C10orf67: variants seen among roughly 807,000 people sequenced by gnomAD.
C10orf67 encodes the protein uncharacterized protein C10orf67, mitochondrial.
In C10orf67, 60 loss-of-function variants were observed where a neutral mutation model predicts 35.6. The observed-to-expected ratio is 1.68, with a 90% CI of 1.37 to 2.09. The LOEUF is 2.09. Among genes scored for constraint, C10orf67 ranks in the 30% most tolerant of loss-of-function variants. The pLI is 0.00. For synonymous variants in C10orf67, 167 were observed against 115.8 expected (o/e 1.44, Z -2.84); for missense variants, 474 against 330.2 (o/e 1.44, Z -3.38).
In C10orf67 at chr10:23,266,435, C is replaced by A. The variant is rs569758785; in HGVS notation, c.1036-9G>T. On this transcript the variant is annotated splice_polypyrimidine_tract_variant and intron_variant, in intron 9 of 15. Transcript: ENST00000636213. ...TTGGCTGATCTTGCAACCTGCCACA[C>A]AAAAAGACACAACTTTGTTATTCTC... 1 of 398,552 alleles carries A rather than the reference C, an allele frequency of 2.5e-6. No homozygotes were observed. The highest frequency in any genetic ancestry group is 4.4e-5 in the Admixed American group (1 of 22,714). The allele number at this position is 398,552 out of a possible 1,614,324, so 24.7% of individuals were successfully genotyped here.
intron 2 of C10orf67, among the ~76,000 whole-genome samples, chr10:23,329,916 ATAT>A (rs1291501477): frequency 6.6e-6 from 1 of 152,162 alleles, no homozygotes; most frequent in Non-Finnish European, 1.5e-5. Flanking sequence ...GCAAAAGGAA[ATAT>A]TATGATCCAG....
intron 13 of C10orf67, 105 bp downstream of exon 13, chr10:23,239,624 A>G (rs1842129515): frequency 5.6e-6 from 3 of 537,628 alleles, no homozygotes; most frequent in African/African-American, 1.8e-5. Flanking sequence ...TACTATCTCT[A>G]GAGCCTGTAA....
At position 23,294,749 on chromosome 10, in the gene C10orf67, T is replaced by C. The variant is rs185210688; in HGVS notation, c.703-3470A>G. The stretch of plus-strand genomic sequence containing the variant: ...ACTTTTTTTTTCAACTTACTTCCAC[T>C]GCTACTTTGAAATTTTTAATTGTTT... On this transcript the variant is annotated intron_variant, in intron 5 of 15. Coordinates refer to ENST00000636213, the MANE Select transcript of C10orf67 (RefSeq NM_001371909.1). 2.0e-3 allele frequency among the ~76,000 whole-genome samples: 297 copies of C among 152,290 alleles called. 3 individuals carry two copies. Among genetic ancestry groups the C allele is most frequent in the African/African-American group, 5.6e-3 (234 of 41,558 alleles).
intron 12 of C10orf67, among the ~76,000 whole-genome samples, chr10:23,249,456 C>T (rs780100682): frequency 3.9e-5 from 6 of 152,160 alleles, no homozygotes; most frequent in Non-Finnish European, 7.3e-5. Flanking sequence ...TCAGCACATA[C>T]ACGAAACACG....
intron 8 of C10orf67, among the ~76,000 whole-genome samples, chr10:23,272,843 CTA>C (rs773302806): frequency 3.9e-4 from 60 of 152,090 alleles, no homozygotes; most frequent in Non-Finnish European, 7.2e-4. Flanking sequence ...ATTTCTGCAC[CTA>C]TTTAAGTCTT....
chr10:23,229,260 AGG>A, intron 13 of C10orf67, among the ~76,000 whole-genome samples: 1 of 152,222 alleles, frequency 6.6e-6, no homozygotes, highest in African/African-American at 2.4e-5. Context: ...AGCCATATAA[AGG>A]ATGATTTCAT....
In C10orf67 at chr10:23,330,832, T is replaced by G. The variant is rs1845417340; in HGVS notation, c.327+2230A>C. ...CTACCTTGGCAATCAATGGGTGAAA[T>G]GATCTAAGATTCTTCCGTCTTATTA... On this transcript the variant is annotated intron_variant, in intron 2 of 15. Transcript: ENST00000636213. 1.3e-5 allele frequency among the ~76,000 whole-genome samples: 2 copies of G among 151,904 alleles called. 1 individual carries two copies. Among genetic ancestry groups the G allele is most frequent in the African/African-American group, 4.8e-5 (2 of 41,314 alleles).
At chr10:23,219,165 C>T (rs532159797) in intron 15 of C10orf67, among the ~76,000 whole-genome samples, 1 of 152,110 alleles carries the variant, frequency 6.6e-6, no homozygotes, top group South Asian at 2.1e-4. Flanking sequence ...CTTTAAAAAC[C>T]TTTTCAGATC....
At position 23,281,520 on chromosome 10, in the gene C10orf67, G is replaced by A. The variant is rs922096797; in HGVS notation, c.975+493C>T. Among the ~76,000 whole-genome samples the A allele has an allele frequency of 6.6e-5, 10 of 152,052 alleles. 1 individual carries two copies. The highest frequency in any genetic ancestry group is 4.6e-4 in the Admixed American group (7 of 15,278). On this transcript the variant is annotated intron_variant, in intron 8 of 15. Transcript: ENST00000636213. Reference sequence around the variant, plus strand: ...CTGGGCAGGGGGCTGCTGTGGCGGGGCTGGGGGCTGGGGGCTGGGTAGTCA... The same window carrying A: ...CTGGGCAGGGGGCTGCTGTGGCGGGACTGGGGGCTGGGGGCTGGGTAGTCA...
intron 7 of C10orf67, among the ~76,000 whole-genome samples, chr10:23,283,333 C>T (rs1028161723): frequency 6.6e-6 from 1 of 152,158 alleles, no homozygotes; most frequent in African/African-American, 2.4e-5. Context: ...AAAATTCAAC[C>T]TTTCGTTGTG....
intron 13 of C10orf67, among the ~76,000 whole-genome samples, chr10:23,225,368 A>G (rs1442120708): frequency 6.6e-6 from 1 of 152,220 alleles, no homozygotes; most frequent in Non-Finnish European, 1.5e-5. Flanking sequence ...TCCTGAAGGA[A>G]GTGCTAAACA....
Position 23,322,411 on chromosome 10 carries a change from C to T in C10orf67, c.454G>A (p.Glu152Lys), listed in dbSNP as rs1323008844. The T allele has an allele frequency of 6.2e-7, 1 of 1,609,458 alleles. No individual in the cohort carries two copies. The highest frequency in any genetic ancestry group is 1.3e-5 in the African/African-American group (1 of 74,824). Residue 152 changes from glutamate to lysine, a missense_variant, in exon 3 of 16, where the codon GAA becomes AAA. Transcript: ENST00000636213. ...ACATTTACCTGTTGATAATGCTTTTCAATTTCTAGGATCCTGTCATGCAGA... is the reference window on the plus strand; with the variant it reads ...ACATTTACCTGTTGATAATGCTTTTTAATTTCTAGGATCCTGTCATGCAGA... Reference protein sequence around the residue: ...TILHDRILEIEKHYQQNEDKM... With the variant: ...TILHDRILEIKKHYQQNEDKM...
chr10:23,342,218 C>CCACACACACACA lies in C10orf67; in HGVS notation c.206+2339_206+2350dup, dbSNP rs111662364. Among the ~76,000 whole-genome samples, 636 of 149,690 alleles carry CCACACACACACA rather than the reference C, an allele frequency of 4.2e-3. 8 individuals are homozygous for CCACACACACACA. The highest frequency in any genetic ancestry group is 0.039 in the East Asian group (196 of 5,014). On this transcript the variant is annotated intron_variant, in intron 1 of 15. Coordinates refer to ENST00000636213, the MANE Select transcript of C10orf67 (RefSeq NM_001371909.1). ...TAAATCACAGCTCCCTCCCCACTTG[C>CCACACACACACA]CACACACACACACACACACACACTC... is the stretch of plus-strand genomic sequence containing the variant.
chr10:23,316,442 T>C (rs1224705381), intron 4 of C10orf67, among the ~76,000 whole-genome samples: 1 of 152,216 alleles, frequency 6.6e-6, no homozygotes, highest in Non-Finnish European at 1.5e-5. Flanking sequence ...GCAGCTCTTC[T>C]CTCCGTCTTG....
downstream of C10orf67, chr10:23,202,030 T>G (rs937391267): frequency 6.6e-6 from 1 of 152,264 alleles, no homozygotes; most frequent in Non-Finnish European, 1.5e-5. Context: ...ATTACAGATA[T>G]GCAAATTTCT....
rs143563130 is a variant in C10orf67, at chr10:23,253,078, C to G, written c.1201-2387G>C. 8.3e-4 allele frequency among the ~76,000 whole-genome samples: 126 copies of G among 152,298 alleles called. 1 individual carries two copies. In the Middle Eastern group the frequency reaches 0.017, roughly 21 times the overall value. Reference sequence around the variant, plus strand: ...TAAGATGTGACTTGCTCCTCCTTGCCTTCTGCCATGATTGTGAGGCCTCCC... The same window carrying G: ...TAAGATGTGACTTGCTCCTCCTTGCGTTCTGCCATGATTGTGAGGCCTCCC... On this transcript the variant is annotated intron_variant, in intron 10 of 15. Transcript: ENST00000636213.
At chr10:23,325,364 T>C (rs1220138502) in intron 2 of C10orf67, among the ~76,000 whole-genome samples, 1 of 150,098 alleles carries the variant, frequency 6.7e-6, no homozygotes. Flanking sequence ...AAAACAAAAA[T>C]GAAACCTACC....
chr10:23,333,273 G>T (rs4259746), intron 1 of C10orf67, 91 bp from the exon 2 acceptor site: 10 of 1,189,410 alleles, frequency 8.4e-6, no homozygotes, highest in Non-Finnish European at 1.2e-5. Context: ...AAATCATATC[G>T]TATTTTAAGT....
chr10:23,277,017 G>A (rs538207002), intron 8 of C10orf67, among the ~76,000 whole-genome samples: 1 of 152,156 alleles, frequency 6.6e-6, no homozygotes, highest in South Asian at 2.1e-4. Context: ...ATTATATGAG[G>A]CAGCAGATCT....
Sources: allele counts gnomAD v4.1 joint callset (sites outside exome capture counted in the v4.1 genomes callset), GRCh38; gene constraint gnomAD v4.1.1; transcripts MANE v1.5; gene names NCBI Gene and HGNC (gene_info 2026-07-23, HGNC 2026-07-21).